The following VMP1 variants were observed in gnomAD, a reference collection of about 807,000 sequenced individuals.
VMP1 encodes the protein ectopic P-granules autophagy protein 3 homolog.
In VMP1, 11 loss-of-function variants were observed where a neutral mutation model predicts 56.0. That is an observed-to-expected ratio of 0.20 (90% CI 0.12 to 0.32). The LOEUF is 0.32. Among genes scored for constraint, VMP1 ranks in the 10% least tolerant of loss-of-function variants. The pLI is 1.00. For synonymous variants in VMP1, 149 were observed against 165.0 expected (o/e 0.90, Z 0.74); for missense variants, 296 against 490.3 (o/e 0.60, Z 3.74).
At chr17:59,831,469 C>T (rs1465644295) in intron 10 of VMP1, among the ~76,000 whole-genome samples, 1 of 152,116 alleles carries the variant, frequency 6.6e-6, no homozygotes, top group Non-Finnish European at 1.5e-5. Flanking sequence ...CACACCCAGC[C>T]TAAAATACAG....
At chr17:59,758,930 C>CA (rs2035945472) in intron 5 of VMP1, among the ~76,000 whole-genome samples, 1 of 151,010 alleles carries the variant, frequency 6.6e-6, no homozygotes, top group African/African-American at 2.4e-5. Flanking sequence ...CCCACCTCTA[C>CA]AAAAAATTAG....
intron 7 of VMP1, among the ~76,000 whole-genome samples, chr17:59,792,631 G>A (rs533675815): frequency 1.2e-4 from 18 of 151,688 alleles, no homozygotes; most frequent in African/African-American, 3.9e-4. Context: ...TTGGGAGGCC[G>A]AGGCGGGCGG....
At chr17:59,734,110 A>C (rs1211259936) in intron 2 of VMP1, among the ~76,000 whole-genome samples, 1 of 152,208 alleles carries the variant, frequency 6.6e-6, no homozygotes, top group African/African-American at 2.4e-5. Flanking sequence ...CCCAAATTCA[A>C]CTGCTGGAAT....
At chr17:59,794,315 C>T (rs1293703607) in intron 7 of VMP1, among the ~76,000 whole-genome samples, 3 of 145,326 alleles carry the variant, frequency 2.1e-5, no homozygotes, top group South Asian at 2.3e-4. Context: ...CTCTGCCTCC[C>T]GGGTTCAAGC....
At position 59,842,142 on chromosome 17, in the gene VMP1, T is replaced by A. The variant is rs2039175680; in HGVS notation, c.*2231T>A. 6.6e-6 allele frequency: 1 copy of A among 152,166 alleles called. No homozygotes were observed. Among genetic ancestry groups the A allele is most frequent in the Non-Finnish European group, 1.5e-5 (1 of 68,028 alleles). The allele number at this position is 152,166 out of a possible 1,614,324, so 9.4% of individuals were successfully genotyped here. ...GGAGACAAATACATGATCTCAAAGATACACAGTACCTACTTAATTCCAGCT... is the reference window on the plus strand; with the variant it reads ...GGAGACAAATACATGATCTCAAAGAAACACAGTACCTACTTAATTCCAGCT... On this transcript the variant is annotated 3_prime_UTR_variant, in exon 12 of 12. Transcript: ENST00000262291.
At chr17:59,789,253 TAAAA>T (rs1264303696) in intron 7 of VMP1, among the ~76,000 whole-genome samples, 66 of 138,642 alleles carry the variant, frequency 4.8e-4, no homozygotes, top group African/African-American at 1.7e-3. Context: ...AAAAAAAAGA[TAAAA>T]GAAAAAAAGG....
At chr17:59,826,578 G>A (rs2038652383) in intron 10 of VMP1, among the ~76,000 whole-genome samples, 1 of 152,130 alleles carries the variant, frequency 6.6e-6, no homozygotes, top group Admixed American at 6.5e-5. Flanking sequence ...AATGAAGAAA[G>A]GGAAGGATGT....
At chr17:59,780,834 C>T (rs899530409) in intron 7 of VMP1, among the ~76,000 whole-genome samples, 3 of 152,122 alleles carry the variant, frequency 2.0e-5, no homozygotes, top group African/African-American at 7.2e-5. Context: ...GTGATCCACC[C>T]GCCTGGGCCT....
Position 59,773,759 on chromosome 17 carries a change from C to T in VMP1, c.588C>T (p.Ile196=), listed in dbSNP as rs757075911. The T allele has an allele frequency of 6.2e-6, 10 of 1,602,054 alleles. No individual in the cohort carries two copies. Among genetic ancestry groups the T allele is most frequent in the Admixed American group, 5.3e-5 (3 of 56,478 alleles). Residue 196 remains isoleucine (I), a synonymous_variant, in exon 7 of 12, where the codon ATC becomes ATT. Transcript: ENST00000262291. ...KVRIEACMWG[I]GTAIGELPPY... is the part of the protein sequence containing the mutation. ...TATTTTGGTTTTTCACCTAGGGTAT[C>T]GGTACAGCAATCGGAGAGCTGCCTC...
rs190314257 is a variant in VMP1 at position 59,834,768 on chromosome 17, G to T, written c.975-3527G>T. ...GCCTCTTGAGTAGCTGGGATTGCAGGCACTCTCCATCATGCCCGGCTAATT... is the reference window on the plus strand; with the variant it reads ...GCCTCTTGAGTAGCTGGGATTGCAGTCACTCTCCATCATGCCCGGCTAATT... On this transcript the variant is annotated intron_variant, in intron 10 of 11. Coordinates refer to ENST00000262291, the MANE Select transcript of VMP1 (RefSeq NM_030938.5). Among the ~76,000 whole-genome samples the T allele has an allele frequency of 2.3e-3, 344 of 152,244 alleles. 6 individuals are homozygous for T. The highest frequency in any genetic ancestry group is 2.1e-4 in the Non-Finnish European group (14 of 68,018).
chr17:59,772,950 C>CTTTTTTTTTTTGTTTTTTTTTTTTT (rs2036482166), intron 6 of VMP1, among the ~76,000 whole-genome samples: 1 of 55,676 alleles, frequency 1.8e-5, no homozygotes, highest in Non-Finnish European at 3.0e-5. Context: ...CTGGTGAATT[C>CTTTTTTTTTTTGTTTTTTTTTTTTT]TTTTTTTTTT....
In VMP1 at chr17:59,745,017, G is replaced by T. The variant is rs58596296; in HGVS notation, c.414+6070G>T. On this transcript the variant is annotated intron_variant, in intron 5 of 11. Transcript: ENST00000262291. ...AACAACAAAAAAGGCAAACATCATTGTCATACTCATGCTAATACTAGCTGG... is the reference window on the plus strand; with the variant it reads ...AACAACAAAAAAGGCAAACATCATTTTCATACTCATGCTAATACTAGCTGG... Among the ~76,000 whole-genome samples the T allele has an allele frequency of 4.2e-3, 643 of 152,250 alleles. 2 individuals carry two copies. Among genetic ancestry groups the T allele is most frequent in the African/African-American group, 0.015 (613 of 41,554 alleles).
At chr17:59,834,881 C>A (rs2038930482) in intron 10 of VMP1, among the ~76,000 whole-genome samples, 2 of 152,004 alleles carry the variant, frequency 1.3e-5, no homozygotes, top group South Asian at 4.2e-4. Context: ...GCCTCGGCCT[C>A]CCAAAGTGCT....
chr17:59,818,223 C>T (rs776614502), intron 10 of VMP1, among the ~76,000 whole-genome samples: 5 of 151,924 alleles, frequency 3.3e-5, no homozygotes, highest in African/African-American at 4.8e-5. Flanking sequence ...AAAACCTAGC[C>T]GGCCGTGGTG....
chr17:59,757,601 A>G (rs765977544), intron 5 of VMP1, among the ~76,000 whole-genome samples: 1 of 152,130 alleles, frequency 6.6e-6, no homozygotes, highest in Non-Finnish European at 1.5e-5. Flanking sequence ...TCATCTAAGT[A>G]TAGTTTGCTC....
chr17:59,831,801 G>GTTT (rs11424411), intron 10 of VMP1, among the ~76,000 whole-genome samples: 13 of 149,118 alleles, frequency 8.7e-5, no homozygotes, highest in Admixed American at 4.0e-4. Flanking sequence ...GCATTCCTGA[G>GTTT]TTTTTTTTTT....
intron 10 of VMP1, among the ~76,000 whole-genome samples, chr17:59,829,040 C>T (rs1441507634): frequency 1.3e-5 from 2 of 152,048 alleles, no homozygotes; most frequent in African/African-American, 4.8e-5. Context: ...CGCTTGAAGC[C>T]GGGAGGTGAA....
chr17:59,707,857 A>G (rs1221973534), intron 1 of VMP1, 109 bp downstream of exon 1: 2 of 152,252 alleles, frequency 1.3e-5, no homozygotes, highest in Non-Finnish European at 2.9e-5. Flanking sequence ...GGGCACTGTG[A>G]TTCCGACTTC....
chr17:59,739,934 G>A (rs1486789062), intron 5 of VMP1, among the ~76,000 whole-genome samples: 2 of 151,092 alleles, frequency 1.3e-5, no homozygotes, highest in Non-Finnish European at 3.0e-5. Context: ...AAAATCAGCC[G>A]AGCTTAGTGG....
Sources: gnomAD v4.1 joint callset for allele counts (sites outside exome capture counted in the v4.1 genomes callset) on GRCh38, gnomAD v4.1.1 for gene constraint, MANE v1.5 for transcripts, NCBI Gene and HGNC (gene_info 2026-07-23, HGNC 2026-07-21) for gene names.